Variants in SENP1 observed in about 807,000 individuals in gnomAD.
SENP1 encodes sentrin-specific protease 1.
In SENP1, 21 loss-of-function variants were observed where a neutral mutation model predicts 93.0. The ratio of observed to expected loss-of-function variants is 0.23; its 90% CI spans 0.16 to 0.33. SENP1 has a LOEUF of 0.33. Ranked by LOEUF, SENP1 falls within the 10% of genes least tolerant of loss-of-function variation. The probability of loss-of-function intolerance (pLI) is 1.00; values close to 1 mark genes in which losing one functional copy is unlikely to be tolerated. For synonymous variants in SENP1, 256 were observed against 259.6 expected (o/e 0.99, Z 0.13); for missense variants, 591 against 758.7 (o/e 0.78, Z 2.60).
chr12:48,065,678 G>C lies in SENP1; in HGVS notation c.1037C>G (p.Thr346Ser). ...FQAELWIKELTSVYDSRARER... is the reference protein window; with the variant it reads ...FQAELWIKELSSVYDSRARER... The stretch of plus-strand genomic sequence containing the variant: ...TCGTGCTCGAGAATCATAAACACTA[G>C]TTCTAGAAAATGAAAAGGAACGTGA... Residue 346 changes from threonine (T) to serine (S), a missense_variant and splice_region_variant, in exon 11 of 18, where the codon ACT (threonine) becomes AGT (serine). Transcript: ENST00000549518. 1.3e-6 allele frequency: 2 copies of C among 1,551,628 alleles called. No individual in the cohort carries two copies. The highest frequency in any genetic ancestry group is 1.7e-6 in the Non-Finnish European group (2 of 1,145,678).
chr12:48,064,843 A>T (rs1254481907), intron 12 of SENP1, among the ~76,000 whole-genome samples: 1 of 152,008 alleles, frequency 6.6e-6, no homozygotes, highest in African/African-American at 2.4e-5. Flanking sequence ...CACCCAGCTA[A>T]TTTTTGTATT....
rs915935665 is a variant in SENP1 at position 48,063,701 on chromosome 12, C to T, written c.1407+9G>A. On this transcript the variant is annotated intron_variant, in intron 13 of 17. Transcript: ENST00000549518. ...TACTATTTGTATGTAAAAATAGATG[C>T]AACATTACCTCATCATTGAGCCAAT... 1.9e-6 allele frequency: 3 copies of T among 1,605,808 alleles called. No homozygotes were observed. Among genetic ancestry groups the T allele is most frequent in the Non-Finnish European group, 2.6e-6 (3 of 1,175,708 alleles).
chr12:48,071,688 TCTTTCA>T lies in SENP1; in HGVS notation c.968_973del (p.Val323_Lys324del), dbSNP rs1943718187. On this transcript the variant is annotated inframe_deletion, in exon 9 of 18. Transcript: ENST00000549518. ...TTACCTGGGAGTTGGAGTCTGGGAATCTTTCACTTTCAGTAAAATCACAGAGTCTGA... is the reference window on the plus strand; with the variant it reads ...TTACCTGGGAGTTGGAGTCTGGGAATCTTTCAGTAAAATCACAGAGTCTGA... 1 of 1,608,972 alleles carries T rather than the reference TCTTTCA, an allele frequency of 6.2e-7. No individual in the cohort carries two copies. The highest frequency in any genetic ancestry group is 2.2e-5 in the East Asian group (1 of 44,840).
intron 14 of SENP1, 72 bp from the exon 15 acceptor site, chr12:48,048,152 G>T: frequency 3.1e-6 from 3 of 955,356 alleles, no homozygotes; most frequent in South Asian, 1.4e-5. Context: ...TCCCTTCCCT[G>T]CCCTTTGGAA....
rs1944772622 is a variant in SENP1 at position 48,085,216 on chromosome 12, T to C, written c.381-1454A>G. On this transcript the variant is annotated intron_variant, in intron 5 of 17. Transcript: ENST00000549518. ...ACCATCAATGAGATCGAAGACACTT[T>C]CCGGCAATTTCTAAACCGGGATGAC... 3 of 1,527,606 alleles carry C rather than the reference T, an allele frequency of 2.0e-6. No individual in the cohort carries two copies. The South Asian group carries it at 3.4e-5, about 17-fold the overall frequency. 94.6% of individuals were successfully genotyped at this position (1,527,606 alleles called of 1,614,324 possible).
chr12:48,060,011 T>C (rs1344286785), intron 13 of SENP1, among the ~76,000 whole-genome samples: 1 of 152,110 alleles, frequency 6.6e-6, no homozygotes, highest in East Asian at 1.9e-4. Flanking sequence ...CATGCACAAA[T>C]TGGTACTCAG....
intron 12 of SENP1, among the ~76,000 whole-genome samples, chr12:48,064,526 A>G (rs1943166658): frequency 6.6e-6 from 1 of 152,370 alleles, no homozygotes; most frequent in African/African-American, 2.4e-5. Context: ...AGACAAATGT[A>G]TTAAATGCTT....
chr12:48,105,125 TCA>T (rs1447891197), intron 1 of SENP1: 30 of 225,410 alleles, frequency 1.3e-4, no homozygotes, highest in African/African-American at 6.7e-4. Context: ...ACAAAGACCC[TCA>T]GTCAAATAGT....
chr12:48,063,434 G>C (rs559223168), intron 13 of SENP1, among the ~76,000 whole-genome samples: 5 of 152,124 alleles, frequency 3.3e-5, no homozygotes, highest in Non-Finnish European at 5.9e-5. Context: ...TAAAGAGTGA[G>C]AATACCAATG....
At position 48,083,805 on chromosome 12, in the gene SENP1, T is replaced by C. The variant is rs547214946; in HGVS notation, c.381-43A>G. The C allele has an allele frequency of 9.3e-6, 13 of 1,402,222 alleles. No homozygotes were observed. In the African/African-American group the frequency reaches 1.6e-4, roughly 17 times the overall value. The allele number at this position is 1,402,222 out of a possible 1,614,324, so 86.9% of individuals were successfully genotyped here. On this transcript the variant is annotated intron_variant, in intron 5 of 17. Coordinates refer to ENST00000549518, the MANE Select transcript of SENP1 (RefSeq NM_001267594.2). ...AAGAAAGATAAGAACAGATAATAAGTAAAATAAATCCAACCTAGAGATTAT... is the reference window on the plus strand; with the variant it reads ...AAGAAAGATAAGAACAGATAATAAGCAAAATAAATCCAACCTAGAGATTAT...
intron 9 of SENP1, among the ~76,000 whole-genome samples, chr12:48,069,398 G>C (rs1943526713): frequency 6.6e-6 from 1 of 152,080 alleles, no homozygotes; most frequent in African/African-American, 2.4e-5. Context: ...AGCAGAGTAG[G>C]CACCAACTTT....
At chr12:48,071,797 T>A in intron 8 of SENP1, 76 bp from the exon 9 acceptor site, 3 of 951,408 alleles carry the variant, frequency 3.2e-6, no homozygotes, top group Non-Finnish European at 4.9e-6. Flanking sequence ...TAGTTTAAGT[T>A]CCCATACTTT....
Position 48,045,103 on chromosome 12 carries a change from T to C in SENP1, c.*219A>G. The C allele has an allele frequency of 1.8e-6, 1 of 555,606 alleles. No homozygotes were observed. Among genetic ancestry groups the C allele is most frequent in the Non-Finnish European group, 3.3e-6 (1 of 306,904 alleles). 34.4% of individuals were successfully genotyped at this position (555,606 alleles called of 1,614,324 possible). ...TCTCTCTTCAGCTTAGGGATGTCCC[T>C]CACCCCTTTCACAGCACCAAAGTTT... On this transcript the variant is annotated 3_prime_UTR_variant, in exon 18 of 18. Coordinates refer to ENST00000549518, the MANE Select transcript of SENP1 (RefSeq NM_001267594.2).
At chr12:48,088,172 C>G (rs1425284443) in intron 5 of SENP1, among the ~76,000 whole-genome samples, 1 of 151,998 alleles carries the variant, frequency 6.6e-6, no homozygotes, top group African/African-American at 2.4e-5. Flanking sequence ...CCTGCCTCAG[C>G]CTCTCAAGTA....
chr12:48,086,709 T>C (rs1944886460), intron 5 of SENP1, among the ~76,000 whole-genome samples: 1 of 151,922 alleles, frequency 6.6e-6, no homozygotes, highest in Non-Finnish European at 1.5e-5. Flanking sequence ...ATCCAAAAAG[T>C]AGAACATTAT....
At chr12:48,046,531 T>A (rs1259997800) in intron 16 of SENP1, 80 bp from the exon 17 acceptor site, 2 of 1,004,600 alleles carry the variant, frequency 2.0e-6, no homozygotes, top group African/African-American at 1.6e-5. Context: ...CCAAAAGATA[T>A]AAATTGTACA....
chr12:48,044,450 A>G lies in SENP1; in HGVS notation c.*872T>C, dbSNP rs1300496181. 6.6e-6 allele frequency: 1 copy of G among 151,734 alleles called. No homozygotes were observed. Among genetic ancestry groups the G allele is most frequent in the Non-Finnish European group, 1.5e-5 (1 of 67,970 alleles). The allele number at this position is 151,734 out of a possible 1,614,324, so 9.4% of individuals were successfully genotyped here. ...AACATATTTAAACTAGCCACAGACCAAACTAGATCTGCATTCATCCAGCGC... is the reference window on the plus strand; with the variant it reads ...AACATATTTAAACTAGCCACAGACCGAACTAGATCTGCATTCATCCAGCGC... On this transcript the variant is annotated 3_prime_UTR_variant, in exon 18 of 18. Coordinates refer to ENST00000549518, the MANE Select transcript of SENP1 (RefSeq NM_001267594.2).
intron 1 of SENP1, among the ~76,000 whole-genome samples, chr12:48,102,128 A>G (rs1407337394): frequency 6.6e-6 from 1 of 152,228 alleles, no homozygotes; most frequent in African/African-American, 2.4e-5. Context: ...TAAAGATGTT[A>G]AAAACCAAAC....
At chr12:48,086,648 A>G (rs1207264050) in intron 5 of SENP1, among the ~76,000 whole-genome samples, 4 of 152,228 alleles carry the variant, frequency 2.6e-5, no homozygotes, top group Admixed American at 6.5e-5. Context: ...TATAAAAAAT[A>G]CAGGTGATTT....
Sources: allele counts gnomAD v4.1 joint callset (sites outside exome capture counted in the v4.1 genomes callset), GRCh38; gene constraint gnomAD v4.1.1; transcripts MANE v1.5; gene names NCBI Gene and HGNC (gene_info 2026-07-23, HGNC 2026-07-21).